The following PHACTR3 variants were observed in gnomAD, a reference collection of about 807,000 sequenced individuals.
The protein encoded by PHACTR3 is phosphatase and actin regulator 3, also known as protein phosphatase 1, regulatory subunit 123.
A neutral mutation model predicts 66.8 loss-of-function variants in PHACTR3; 16 were observed. That is an observed-to-expected ratio of 0.24 (90% CI 0.16 to 0.36). The LOEUF is 0.36. Ranked by LOEUF, PHACTR3 falls within the 10% of genes least tolerant of loss-of-function variation. The pLI, the probability that PHACTR3 is intolerant of heterozygous loss-of-function variation, is 1.00. For missense variants in PHACTR3, 647 were observed against 719.9 expected, an observed-to-expected ratio of 0.90 and a Z score of 1.16; for synonymous variants, 323 against 292.1, an observed-to-expected ratio of 1.11 and a Z score of -1.08.
intron 1 of PHACTR3, among the ~76,000 whole-genome samples, chr20:59,648,125 G>A (rs192158304): frequency 5.3e-5 from 8 of 152,302 alleles, no homozygotes; most frequent in African/African-American, 7.2e-5. Context: ...GACTGACACC[G>A]TTTTGTGATT....
chr20:59,708,547 C>T (rs1380353482), intron 1 of PHACTR3, among the ~76,000 whole-genome samples: 5 of 152,140 alleles, frequency 3.3e-5, no homozygotes, highest in African/African-American at 1.2e-4. Flanking sequence ...TAATTCCCTC[C>T]CGCTGAGAGG....
chr20:59,811,545 G>A (rs1238248383), intron 8 of PHACTR3, among the ~76,000 whole-genome samples: 9 of 152,182 alleles, frequency 5.9e-5, no homozygotes, highest in Non-Finnish European at 1.2e-4. Context: ...TGTAGTCCAA[G>A]CTACTCAGGA....
At chr20:59,739,181 G>A (rs2039061129) in intron 1 of PHACTR3, among the ~76,000 whole-genome samples, 1 of 152,082 alleles carries the variant, frequency 6.6e-6, no homozygotes, top group African/African-American at 2.4e-5. Flanking sequence ...CTAGGTGCTG[G>A]GGTCGCCTCA....
intron 12 of PHACTR3, among the ~76,000 whole-genome samples, chr20:59,845,598 C>G (rs182308882): frequency 4.5e-4 from 69 of 152,258 alleles, no homozygotes; most frequent in African/African-American, 1.5e-3. Flanking sequence ...ATTTATAGAA[C>G]TCACCTGTTT....
chr20:59,588,509 G>T (rs981680750), intron 1 of PHACTR3, among the ~76,000 whole-genome samples: 4 of 152,146 alleles, frequency 2.6e-5, no homozygotes, highest in Admixed American at 1.3e-4. Context: ...GCTCTTCCTG[G>T]CTGAAGACCC....
chr20:59,797,976 CT>C (rs2041303011), intron 7 of PHACTR3, among the ~76,000 whole-genome samples: 1 of 151,912 alleles, frequency 6.6e-6, no homozygotes, highest in Admixed American at 6.6e-5. Flanking sequence ...AGAGTAAATT[CT>C]GGCTTCACAG....
chr20:59,774,271 C>G lies in PHACTR3; in HGVS notation c.955C>G (p.Pro319Ala). 1 of 1,606,556 alleles carries G rather than the reference C, an allele frequency of 6.2e-7. No homozygotes were observed. Among genetic ancestry groups the G allele is most frequent in the Non-Finnish European group, 8.5e-7 (1 of 1,176,884 alleles). ...TCAAGGAAGAGAAAGTAAAGGGTCTCCAAAGAAGCGGCTGGATGTCCGTCT... is the reference window on the plus strand; with the variant it reads ...TCAAGGAAGAGAAAGTAAAGGGTCTGCAAAGAAGCGGCTGGATGTCCGTCT... Reference protein sequence around the residue: ...SFQGRESKGSPKKRLDVRLSR... With the variant: ...SFQGRESKGSAKKRLDVRLSR... The change falls in exon 7 of 13, where the codon CCA becomes GCA. Residue 319 changes from proline to alanine, a missense_variant. Transcript: ENST00000371015.
intron 1 of PHACTR3, among the ~76,000 whole-genome samples, chr20:59,620,902 C>T (rs1265383130): frequency 1.3e-5 from 2 of 152,186 alleles, no homozygotes; most frequent in African/African-American, 2.4e-5. Context: ...GGAAAGCTTC[C>T]CCCACGCTCC....
intron 1 of PHACTR3, among the ~76,000 whole-genome samples, chr20:59,685,474 C>T (rs11696725): frequency 0.027 from 4,178 of 152,250 alleles, 80 homozygotes; most frequent in Middle Eastern, 0.065. Context: ...TGAAAGGACC[C>T]GTCTGGTAGG....
chr20:59,622,997 A>AAAAAAAAAAAC (rs2034310417), intron 1 of PHACTR3, among the ~76,000 whole-genome samples: 5 of 145,556 alleles, frequency 3.4e-5, no homozygotes, highest in African/African-American at 1.1e-4. Context: ...AAAAAAAAAA[A>AAAAAAAAAAAC]AAAACCCAAA....
At chr20:59,715,514 C>G (rs190022419) in intron 1 of PHACTR3, among the ~76,000 whole-genome samples, 2 of 152,142 alleles carry the variant, frequency 1.3e-5, no homozygotes, top group Admixed American at 1.3e-4. Context: ...ATTTCTCTGC[C>G]TCTGGTTTAC....
At chr20:59,614,045 G>A (rs1212919540) in intron 1 of PHACTR3, among the ~76,000 whole-genome samples, 2 of 152,216 alleles carry the variant, frequency 1.3e-5, no homozygotes, top group African/African-American at 4.8e-5. Flanking sequence ...AAGCTAGCGA[G>A]GCTGAGTAAC....
intron 1 of PHACTR3, among the ~76,000 whole-genome samples, chr20:59,732,567 G>T (rs2038805603): frequency 6.6e-6 from 1 of 152,148 alleles, no homozygotes; most frequent in South Asian, 2.1e-4. Flanking sequence ...CCACTAACCA[G>T]TAAAGGAGAG....
intron 5 of PHACTR3, among the ~76,000 whole-genome samples, chr20:59,767,753 G>A (rs2040229011): frequency 6.6e-6 from 1 of 152,142 alleles, no homozygotes; most frequent in South Asian, 2.1e-4. Context: ...CCAGGATGGG[G>A]CTTGGCTTTA....
At chr20:59,772,680 C>T (rs1004838533) in intron 5 of PHACTR3, among the ~76,000 whole-genome samples, 1 of 152,172 alleles carries the variant, frequency 6.6e-6, no homozygotes, top group Non-Finnish European at 1.5e-5. Context: ...AGTGGGGCCA[C>T]CCCCAGGGGC....
intron 1 of PHACTR3, among the ~76,000 whole-genome samples, chr20:59,664,913 G>A (rs982136255): frequency 1.3e-5 from 2 of 152,190 alleles, no homozygotes; most frequent in African/African-American, 4.8e-5. Flanking sequence ...TGCGGGCTGG[G>A]TGCAGGATTC....
At position 59,738,198 on chromosome 20, in the gene PHACTR3, C is replaced by G. The variant is rs1179936544; in HGVS notation, c.119-4909C>G. On this transcript the variant is annotated intron_variant, in intron 1 of 12. Coordinates refer to ENST00000371015, the MANE Select transcript of PHACTR3 (RefSeq NM_080672.5). This position sits in a 1 kb window ranked among gnomAD's most constrained non-coding sequence, Gnocchi z 4.4. The stretch of plus-strand genomic sequence containing the variant: ...GGATGCAGGGAGTCAATGCTTCAAC[C>G]TCCTGTTAGTAAGTGGCAGGGCCAG... Among the ~76,000 whole-genome samples, 5 of 152,084 alleles carry G rather than the reference C, an allele frequency of 3.3e-5. No homozygotes were observed. Among genetic ancestry groups the G allele is most frequent in the Non-Finnish European group, 5.9e-5 (4 of 68,000 alleles).
At chr20:59,844,987 G>C (rs1280853247) in intron 11 of PHACTR3, 5 of 427,590 alleles carry the variant, frequency 1.2e-5, no homozygotes, top group Non-Finnish European at 2.2e-5. Flanking sequence ...AAGACTTCCA[G>C]AATATTAGCT....
At chr20:59,717,705 A>G (rs2038144235) in intron 1 of PHACTR3, among the ~76,000 whole-genome samples, 2 of 152,170 alleles carry the variant, frequency 1.3e-5, no homozygotes, top group Admixed American at 1.3e-4. Context: ...AGAGATCTCT[A>G]AAGAAGAAAA....
Sources: gnomAD v4.1 joint callset for allele counts (sites outside exome capture counted in the v4.1 genomes callset) on GRCh38, gnomAD v4.1.1 for gene constraint, Gnocchi (gnomAD v3.1) non-coding constraint, MANE v1.5 for transcripts, NCBI Gene and HGNC (gene_info 2026-07-23, HGNC 2026-07-21) for gene names.